Variants in EXPH5 observed in about 807,000 individuals in gnomAD.
EXPH5 encodes the protein exophilin 5.
EXPH5 carries 42 observed loss-of-function variants against 41.1 expected under a neutral mutation model. The ratio of observed to expected loss-of-function variants is 1.02; its 90% CI spans 0.80 to 1.32. The LOEUF (loss-of-function observed/expected upper bound fraction) is 1.32. Among genes scored for constraint, EXPH5 ranks in the 40% most tolerant of loss-of-function variants. EXPH5 has a pLI of 0.00. For synonymous variants in EXPH5, 798 were observed against 833.5 expected, an observed-to-expected ratio of 0.96 and a Z score of 0.73; for missense variants, 2,298 against 2,314.5, an observed-to-expected ratio of 0.99 and a Z score of 0.15.
upstream of EXPH5, among the ~76,000 whole-genome samples, chr11:108,596,225 C>T (rs2094138778): frequency 6.6e-6 from 1 of 151,904 alleles, no homozygotes; most frequent in African/African-American, 2.4e-5. Flanking sequence ...GTAGATTACT[C>T]TGATAGCAGT....
At chr11:108,557,445 G>A (rs535823436) in intron 1 of EXPH5, among the ~76,000 whole-genome samples, 16 of 152,272 alleles carry the variant, frequency 1.1e-4, no homozygotes, top group African/African-American at 3.6e-4. Flanking sequence ...CTGGGTTCAG[G>A]GAATTCTCGT....
intron 5 of EXPH5, 44 bp from the exon 6 acceptor site, chr11:108,514,919 A>T: frequency 7.7e-7 from 1 of 1,300,928 alleles, no homozygotes; most frequent in Non-Finnish European, 1.0e-6. Flanking sequence ...ATGTTTTTAC[A>T]GTTTAATAAT....
At chr11:108,538,877 G>T in intron 3 of EXPH5, 147 bp downstream of exon 3, 1 of 658,398 alleles carries the variant, frequency 1.5e-6, no homozygotes. Context: ...TTGTCACTAT[G>T]CAAGTTAAGT....
At chr11:108,577,154 T>C (rs1319397432) in intron 1 of EXPH5, among the ~76,000 whole-genome samples, 1 of 152,206 alleles carries the variant, frequency 6.6e-6, no homozygotes, top group African/African-American at 2.4e-5. Context: ...TTCATGAACA[T>C]GTAGGTTGAT....
At chr11:108,521,644 C>T (rs1444670117) in intron 4 of EXPH5, among the ~76,000 whole-genome samples, 2 of 152,154 alleles carry the variant, frequency 1.3e-5, no homozygotes, top group African/African-American at 4.8e-5. Context: ...ATTCTTTTTA[C>T]CCTACATCAA....
the EXPH5 span, among the ~76,000 whole-genome samples, chr11:108,600,937 C>G: frequency 6.6e-6 from 1 of 152,292 alleles, no homozygotes; most frequent in East Asian, 1.9e-4. Context: ...TTTCTAAATA[C>G]AAGCTGTTGA....
chr11:108,566,494 C>A (rs887486443), intron 1 of EXPH5, among the ~76,000 whole-genome samples: 4 of 151,998 alleles, frequency 2.6e-5, no homozygotes, highest in African/African-American at 9.7e-5. Context: ...AGAAACTGAC[C>A]AAATGATGAG....
At chr11:108,536,084 T>C (rs773235277) in intron 3 of EXPH5, among the ~76,000 whole-genome samples, 2 of 152,234 alleles carry the variant, frequency 1.3e-5, no homozygotes, top group East Asian at 1.9e-4. Flanking sequence ...TACATATGTA[T>C]ACTTTTCTTG....
At chr11:108,553,709 T>C (rs1287795694) in intron 1 of EXPH5, among the ~76,000 whole-genome samples, 1 of 152,214 alleles carries the variant, frequency 6.6e-6, no homozygotes, top group African/African-American at 2.4e-5. Flanking sequence ...TCGATCAACA[T>C]ATATTTGCTC....
intron 1 of EXPH5, among the ~76,000 whole-genome samples, chr11:108,563,895 ATTAT>A (rs530811699): frequency 1.8e-3 from 278 of 152,290 alleles, no homozygotes; most frequent in African/African-American, 5.8e-3. Flanking sequence ...GTATGTTCTA[ATTAT>A]CTCTGAATTG....
upstream of EXPH5, among the ~76,000 whole-genome samples, chr11:108,597,716 A>G (rs1296659079): frequency 2.0e-5 from 3 of 152,212 alleles, no homozygotes; most frequent in Non-Finnish European, 4.4e-5. Context: ...TTGTTCTGGT[A>G]GTTCTAGTTG....
chr11:108,538,649 C>T (rs1032869379), intron 3 of EXPH5, among the ~76,000 whole-genome samples: 4 of 152,160 alleles, frequency 2.6e-5, no homozygotes, highest in East Asian at 1.9e-4. Flanking sequence ...GTGACCAGGA[C>T]GTGACCAGGA....
chr11:108,520,681 C>T lies in EXPH5; in HGVS notation c.493-2308G>A, dbSNP rs140657397. On this transcript the variant is annotated intron_variant, in intron 4 of 5. Transcript: ENST00000265843. ...TCCCTGGCTCAAGCAATTCCCCTGC[C>T]TCAGCCTCCCGAGTAGCTGGGATTA... 2.5e-3 allele frequency among the ~76,000 whole-genome samples: 382 copies of T among 152,194 alleles called. 10 individuals carry two copies. In the East Asian group the frequency reaches 0.069, roughly 28 times the overall value.
At chr11:108,598,551 G>C (rs531812585), upstream of EXPH5, among the ~76,000 whole-genome samples, 2 of 152,298 alleles carry the variant, frequency 1.3e-5, no homozygotes, top group East Asian at 3.9e-4. Flanking sequence ...TGATATGGTG[G>C]AGAGTAAGTC....
chr11:108,583,987 C>G (rs1014653434), intron 1 of EXPH5, among the ~76,000 whole-genome samples: 1 of 152,092 alleles, frequency 6.6e-6, no homozygotes, highest in South Asian at 2.1e-4. Context: ...TGGTAGGGTA[C>G]AAGATCAATA....
the EXPH5 span, among the ~76,000 whole-genome samples, chr11:108,606,812 A>G: frequency 6.6e-6 from 1 of 152,194 alleles, no homozygotes; most frequent in Non-Finnish European, 1.5e-5. Context: ...CAAAAACTCT[A>G]AAGCAGGAAC....
chr11:108,531,905 C>T (rs1245924433), intron 3 of EXPH5, among the ~76,000 whole-genome samples: 1 of 152,196 alleles, frequency 6.6e-6, no homozygotes, highest in Non-Finnish European at 1.5e-5. Context: ...CATCTCCCTG[C>T]ATTTACCCTA....
At chr11:108,592,916 C>A (rs1482269) in intron 1 of EXPH5, among the ~76,000 whole-genome samples, 1 of 152,210 alleles carries the variant, frequency 6.6e-6, no homozygotes, top group Admixed American at 6.5e-5. Flanking sequence ...GCTGACTGCC[C>A]GCATTGGGTG....
At chr11:108,527,862 G>A (rs1274641460) in intron 4 of EXPH5, among the ~76,000 whole-genome samples, 1 of 152,164 alleles carries the variant, frequency 6.6e-6, no homozygotes, top group East Asian at 1.9e-4. Context: ...CCTCAGGGCT[G>A]TACAGGGGCA....
Sources: allele counts gnomAD v4.1 joint callset (sites outside exome capture counted in the v4.1 genomes callset), GRCh38; gene constraint gnomAD v4.1.1; transcripts MANE v1.5; gene names NCBI Gene and HGNC (gene_info 2026-07-23, HGNC 2026-07-21).